KCNQ3: variants seen among roughly 807,000 people sequenced by gnomAD.
KCNQ3 encodes the protein potassium voltage-gated channel subfamily Q member 3.
KCNQ3 carries 30 observed loss-of-function variants against 92.5 expected under a neutral mutation model. That is an observed-to-expected ratio of 0.32 (90% CI 0.24 to 0.44). The LOEUF is 0.44. Ranked by LOEUF, KCNQ3 falls within the 20% of genes least tolerant of loss-of-function variation. The pLI, the probability that KCNQ3 is intolerant of heterozygous loss-of-function variation, is 1.00. For synonymous variants in KCNQ3, 450 were observed against 468.8 expected (o/e 0.96, Z 0.52); for missense variants, 913 against 1,140.3 (o/e 0.80, Z 2.87).
intron 1 of KCNQ3, among the ~76,000 whole-genome samples, chr8:132,446,623 G>A (rs952982093): frequency 6.6e-6 from 1 of 152,152 alleles, no homozygotes; most frequent in African/African-American, 2.4e-5. Context: ...AAAATTCCCA[G>A]GCAATGCTAA....
At position 132,480,493 on chromosome 8, in the gene KCNQ3, C is replaced by A. The variant is rs1357758074; in HGVS notation, c.40G>T (p.Gly14Cys). 2 of 1,178,062 alleles carry A rather than the reference C, an allele frequency of 1.7e-6. No homozygotes were observed. Among genetic ancestry groups the A allele is most frequent in the Non-Finnish European group, 2.1e-6 (2 of 958,222 alleles). The allele number at this position is 1,178,062 out of a possible 1,614,324, so 73.0% of individuals were successfully genotyped here. Residue 14 changes from glycine to cysteine, a missense_variant, in exon 1 of 15, where the codon GGC (glycine) becomes TGC (cysteine). Physicochemically the swap from Gly to Cys is radical, Grantham distance 159. Around this residue, in one of 6 missense-constraint regions of KCNQ3, gnomAD observed 183 missense variants for 167.7 expected, o/e 1.09. Transcript: ENST00000388996. The stretch of plus-strand genomic sequence containing the variant: ...CCTCCGCCGCCCCCGTCGCCGCCGC[C>A]GCCAGCCGCCCCCGCCGCCCTGCGC... ...KARRAAGAAG[G>C]GGDGGGGGGG... is the part of the protein sequence containing the mutation.
At chr8:132,136,214 G>A (rs1825086283) in intron 12 of KCNQ3, among the ~76,000 whole-genome samples, 1 of 149,218 alleles carries the variant, frequency 6.7e-6, no homozygotes, top group African/African-American at 2.5e-5. Context: ...TTCCAACCCA[G>A]TCAGTGTGAT....
chr8:132,403,778 C>T lies in KCNQ3; in HGVS notation c.386+76369G>A, dbSNP rs182424010. On this transcript the variant is annotated intron_variant, in intron 1 of 14. Coordinates refer to ENST00000388996, the MANE Select transcript of KCNQ3 (RefSeq NM_004519.4). ...GCTGGGTTCCCAGGGCACCCAGGCT[C>T]ACCCTGCTGGAGATAACTCTTTCCC... Among the ~76,000 whole-genome samples the T allele has an allele frequency of 1.4e-3, 219 of 152,316 alleles. 1 individual carries two copies. Among genetic ancestry groups the T allele is most frequent in the Non-Finnish European group, 2.4e-3 (160 of 68,028 alleles).
chr8:132,349,091 A>G lies in KCNQ3; in HGVS notation c.386+131056T>C, dbSNP rs138786713. On this transcript the variant is annotated intron_variant, in intron 1 of 14. Coordinates refer to ENST00000388996, the MANE Select transcript of KCNQ3 (RefSeq NM_004519.4). Reference sequence around the variant, plus strand: ...AAGAGGCTGAGCTAGATGGTCCTGGAGAGCCCTTCCACACTTCCGCCCTGG... The same window carrying G: ...AAGAGGCTGAGCTAGATGGTCCTGGGGAGCCCTTCCACACTTCCGCCCTGG... 3.0e-3 allele frequency among the ~76,000 whole-genome samples: 451 copies of G among 152,288 alleles called. 3 individuals are homozygous for G. Among genetic ancestry groups the G allele is most frequent in the Non-Finnish European group, 4.8e-3 (329 of 68,030 alleles).
chr8:132,237,491 G>C (rs1814854944), intron 1 of KCNQ3, among the ~76,000 whole-genome samples: 1 of 152,174 alleles, frequency 6.6e-6, no homozygotes, highest in Non-Finnish European at 1.5e-5. Flanking sequence ...GCATAGCCAA[G>C]ATTCTAACTC....
In KCNQ3 at chr8:132,171,315, C is replaced by T. The variant is rs146345667; in HGVS notation, c.1141-887G>A. Among the ~76,000 whole-genome samples the T allele has an allele frequency of 1.5e-4, 23 of 152,280 alleles. No individual in the cohort carries two copies. In the East Asian group the frequency reaches 4.4e-3, roughly 29 times the overall value. On this transcript the variant is annotated intron_variant, in intron 7 of 14. Transcript: ENST00000388996. Reference sequence around the variant, plus strand: ...CATGCACCATCTAGAGTCAGGCACACAGACCCACAGAGACACTCACTACAA... The same window carrying T: ...CATGCACCATCTAGAGTCAGGCACATAGACCCACAGAGACACTCACTACAA...
intron 1 of KCNQ3, among the ~76,000 whole-genome samples, chr8:132,299,283 A>G (rs1206102497): frequency 6.6e-6 from 1 of 152,114 alleles, no homozygotes; most frequent in Non-Finnish European, 1.5e-5. Context: ...TACTCTGAGC[A>G]GATACAAGAA....
intron 1 of KCNQ3, among the ~76,000 whole-genome samples, chr8:132,420,068 T>C (rs1444561318): frequency 6.6e-6 from 1 of 152,126 alleles, no homozygotes; most frequent in East Asian, 1.9e-4. Context: ...CATTGCTGGG[T>C]TCTGGTCAGG....
intron 2 of KCNQ3, 62 bp from the exon 3 acceptor site, chr8:132,184,429 G>A: frequency 7.0e-7 from 1 of 1,424,850 alleles, no homozygotes; most frequent in African/African-American, 1.4e-5. Flanking sequence ...GGGAGCTGGT[G>A]ATTTCTATTC....
chr8:132,131,784 C>T (rs1824886768), intron 14 of KCNQ3, among the ~76,000 whole-genome samples: 1 of 152,050 alleles, frequency 6.6e-6, no homozygotes, highest in African/African-American at 2.4e-5. Context: ...TATCTTATCT[C>T]CCTTTGAAAA....
intron 11 of KCNQ3, 138 bp from the exon 12 acceptor site, chr8:132,138,154 GGTT>G: frequency 1.1e-6 from 1 of 928,890 alleles, no homozygotes; most frequent in South Asian, 1.4e-5. Flanking sequence ...TCCAACGTTT[GGTT>G]CTGGTTCTAC....
At chr8:132,344,032 T>A (rs955898723) in intron 1 of KCNQ3, among the ~76,000 whole-genome samples, 2 of 152,224 alleles carry the variant, frequency 1.3e-5, no homozygotes, top group Non-Finnish European at 2.9e-5. Context: ...ATAATTGGCC[T>A]CTGCATGCAG....
chr8:132,480,115 G>A, intron 1 of KCNQ3, 32 bp downstream of exon 1: 1 of 1,600,506 alleles, frequency 6.2e-7, no homozygotes, highest in Non-Finnish European at 8.5e-7. Context: ...GCGCGCCGCC[G>A]CCGAGGGCGC....
chr8:132,376,361 G>A (rs1397153772), intron 1 of KCNQ3, among the ~76,000 whole-genome samples: 2 of 152,172 alleles, frequency 1.3e-5, no homozygotes, highest in Non-Finnish European at 2.9e-5. Context: ...CAAATACGGT[G>A]CTGGCAGTCC....
In KCNQ3 at chr8:132,134,366, CA is replaced by C. The variant is rs1563764788; in HGVS notation, c.1722del (p.Gly575AspfsTer31). 2 of 1,613,186 alleles carry C rather than the reference CA, an allele frequency of 1.2e-6. No individual in the cohort carries two copies. Among genetic ancestry groups the C allele is most frequent in the African/African-American group, 2.7e-5 (2 of 74,880 alleles). On this transcript the variant is annotated frameshift_variant, in exon 13 of 15. Coordinates refer to ENST00000388996, the MANE Select transcript of KCNQ3 (RefSeq NM_004519.4). LOFTEE classifies it high-confidence loss of function. ...TTGTGTTTTGGCGTGGAGGGAGGTC[CA>C]GGGGTGAAAATCATATCTATTCTGA... ...LQTRIDMIFT[P>X]GPPSTPKHKK...
chr8:132,410,802 C>T (rs1038321338), intron 1 of KCNQ3, among the ~76,000 whole-genome samples: 2 of 152,192 alleles, frequency 1.3e-5, no homozygotes, highest in Admixed American at 1.3e-4. Flanking sequence ...TTTTGGAGAC[C>T]GCTTAGCTAA....
chr8:132,424,132 C>A (rs973194028), intron 1 of KCNQ3, among the ~76,000 whole-genome samples: 2 of 151,762 alleles, frequency 1.3e-5, no homozygotes, highest in Non-Finnish European at 2.9e-5. Flanking sequence ...CCCCTCCCCC[C>A]GCCACATAGC....
chr8:132,316,010 A>G (rs538541325), intron 1 of KCNQ3, among the ~76,000 whole-genome samples: 3 of 152,358 alleles, frequency 2.0e-5, no homozygotes, highest in Non-Finnish European at 2.9e-5. Flanking sequence ...GGAAACTTTT[A>G]TAGAAACATT....
chr8:132,273,797 G>A (rs117167003), intron 1 of KCNQ3, among the ~76,000 whole-genome samples: 56 of 152,200 alleles, frequency 3.7e-4, no homozygotes, highest in Non-Finnish European at 5.7e-4. Context: ...TTAAAGTTCC[G>A]CAAATCTCTA....
Sources: gnomAD v4.1 joint callset for allele counts (sites outside exome capture counted in the v4.1 genomes callset) on GRCh38, gnomAD v4.1.1 for gene constraint, gnomAD v4.1.1 regional missense constraint, MANE v1.5 for transcripts, NCBI Gene and HGNC (gene_info 2026-07-23, HGNC 2026-07-21) for gene names.